Variants in CSMD1 observed in about 807,000 individuals in gnomAD.
The protein encoded by CSMD1 is CUB and sushi domain-containing protein 1.
CSMD1 carries 213 observed loss-of-function variants against 417.5 expected under a neutral mutation model. The observed-to-expected ratio is 0.51, with a 90% confidence interval of 0.46 to 0.57. The LOEUF (loss-of-function observed/expected upper bound fraction) is 0.57, where lower values mean the gene tolerates loss of function less well. Ranked by LOEUF, CSMD1 falls within the 20% of genes least tolerant of loss-of-function variation. CSMD1 has a pLI of 0.00. For synonymous variants in CSMD1, 2,862 were observed against 1,736.8 expected, an observed-to-expected ratio of 1.65 and a Z score of -16.11; for missense variants, 6,923 against 4,529.7, an observed-to-expected ratio of 1.53 and a Z score of -15.17.
chr8:3,221,990 T>C (rs1353275931), intron 28 of CSMD1, among the ~76,000 whole-genome samples: 1 of 152,120 alleles, frequency 6.6e-6, no homozygotes, highest in Non-Finnish European at 1.5e-5. Flanking sequence ...CTTGGGAAGC[T>C]GGACATCCTC....
At chr8:4,833,207 A>C (rs1800256014) in intron 1 of CSMD1, among the ~76,000 whole-genome samples, 1 of 152,342 alleles carries the variant, frequency 6.6e-6, no homozygotes, top group East Asian at 1.9e-4. Flanking sequence ...GTAATTTATA[A>C]AGAAAAGTGG....
intron 5 of CSMD1, among the ~76,000 whole-genome samples, chr8:3,796,115 T>A (rs1800090866): frequency 9.5e-5 from 1 of 10,520 alleles, no homozygotes; most frequent in African/African-American, 2.7e-4. Context: ...TATATATCTA[T>A]CATAGATATA....
chr8:3,646,389 G>T (rs1797572831), intron 7 of CSMD1, among the ~76,000 whole-genome samples: 1 of 151,982 alleles, frequency 6.6e-6, no homozygotes, highest in Admixed American at 6.6e-5. Flanking sequence ...GCATTGCTTT[G>T]TAATAAGAAA....
chr8:4,180,486 G>C (rs973938516), intron 3 of CSMD1, among the ~76,000 whole-genome samples: 2 of 151,048 alleles, frequency 1.3e-5, no homozygotes, highest in Non-Finnish European at 2.9e-5. Flanking sequence ...TAAATGACGA[G>C]TTAGTGGGTG....
chr8:3,487,446 C>A lies in CSMD1; in HGVS notation c.1448+6177G>T, dbSNP rs929093358. On this transcript the variant is annotated intron_variant, in intron 11 of 69. Transcript: ENST00000635120. ...TCGTTCTCCTGACCTCGTGATCTGC[C>A]CGCCTCGGCCTCCCCAAGTGTTGGG... is the stretch of plus-strand genomic sequence containing the variant. Among the ~76,000 whole-genome samples, 5 of 152,242 alleles carry A rather than the reference C, an allele frequency of 3.3e-5. 1 individual carries two copies. The highest frequency in any genetic ancestry group is 6.8e-3 in the Middle Eastern group (2 of 294).
chr8:2,967,600 T>C (rs757054595), intron 57 of CSMD1, among the ~76,000 whole-genome samples: 4 of 152,176 alleles, frequency 2.6e-5, no homozygotes, highest in African/African-American at 7.2e-5. Context: ...CTTAGTACTG[T>C]TGCAATAATA....
chr8:3,716,649 T>A (rs550530682), intron 6 of CSMD1, among the ~76,000 whole-genome samples: 1 of 152,118 alleles, frequency 6.6e-6, no homozygotes, highest in Non-Finnish European at 1.5e-5. Context: ...GCTAACCTCC[T>A]CTCTCATCCT....
At chr8:4,849,697 G>T (rs138667265) in intron 1 of CSMD1, among the ~76,000 whole-genome samples, 6 of 152,172 alleles carry the variant, frequency 3.9e-5, no homozygotes, top group Non-Finnish European at 7.3e-5. Flanking sequence ...ATGCTGTACA[G>T]ATTTGAAGCT....
At chr8:3,756,387 T>C (rs1187891637) in intron 5 of CSMD1, among the ~76,000 whole-genome samples, 1 of 151,918 alleles carries the variant, frequency 6.6e-6, no homozygotes, top group Non-Finnish European at 1.5e-5. Context: ...TCTTTGTATA[T>C]TAAAAATCAA....
At chr8:4,587,298 T>C (rs1414944212) in intron 2 of CSMD1, among the ~76,000 whole-genome samples, 1 of 152,172 alleles carries the variant, frequency 6.6e-6, no homozygotes, top group Admixed American at 6.5e-5. Flanking sequence ...TAATGTTCTT[T>C]TACTCACTTT....
intron 3 of CSMD1, among the ~76,000 whole-genome samples, chr8:4,173,257 A>G (rs940126429): frequency 3.3e-5 from 5 of 152,294 alleles, no homozygotes; most frequent in Admixed American, 2.0e-4. Flanking sequence ...AACATTTGGA[A>G]TGTAATAAAA....
intron 1 of CSMD1, among the ~76,000 whole-genome samples, chr8:4,669,993 C>A (rs559879717): frequency 5.3e-5 from 8 of 152,118 alleles, no homozygotes; most frequent in African/African-American, 1.9e-4. Context: ...TCTATTAACA[C>A]TAGTGAAGTG....
chr8:3,199,271 G>T (rs1326518399), intron 33 of CSMD1, among the ~76,000 whole-genome samples: 1 of 151,954 alleles, frequency 6.6e-6, no homozygotes, highest in African/African-American at 2.4e-5. Context: ...TTTGTTTTTT[G>T]TTTTGTTTTG....
At chr8:3,293,400 G>A (rs1803723770) in intron 25 of CSMD1, among the ~76,000 whole-genome samples, 1 of 152,122 alleles carries the variant, frequency 6.6e-6, no homozygotes. Context: ...AATTTCTCCT[G>A]GTTAATATCC....
At chr8:3,666,954 G>C (rs998212971) in intron 7 of CSMD1, among the ~76,000 whole-genome samples, 7 of 152,168 alleles carry the variant, frequency 4.6e-5, no homozygotes, top group African/African-American at 9.7e-5. Context: ...AGAAATAAAA[G>C]CATTGCAGTC....
At chr8:4,812,257 G>A (rs1003808525) in intron 1 of CSMD1, among the ~76,000 whole-genome samples, 1 of 152,314 alleles carries the variant, frequency 6.6e-6, no homozygotes, top group South Asian at 2.1e-4. Flanking sequence ...TTTCACAGAT[G>A]AATAGTTCTA....
At chr8:4,588,779 G>GACACACACACACACACACACACACACAC (rs10576784) in intron 2 of CSMD1, among the ~76,000 whole-genome samples, 1 of 146,372 alleles carries the variant, frequency 6.8e-6, no homozygotes, top group Admixed American at 6.9e-5. Context: ...GCAAGACTCC[G>GACACACACACACACACACACACACACAC]ACACACACAC....
chr8:3,054,705 G>A (rs1009826592), intron 49 of CSMD1, among the ~76,000 whole-genome samples: 2 of 152,278 alleles, frequency 1.3e-5, no homozygotes, highest in African/African-American at 2.4e-5. Flanking sequence ...ACGTGTGTAC[G>A]TGTGTGTACA....
At chr8:4,701,336 T>G (rs777877900) in intron 1 of CSMD1, among the ~76,000 whole-genome samples, 1 of 151,022 alleles carries the variant, frequency 6.6e-6, no homozygotes, top group Non-Finnish European at 1.5e-5. Context: ...TTTTTAACTC[T>G]GCTTAAGAAC....
Sources: allele counts gnomAD v4.1 joint callset (sites outside exome capture counted in the v4.1 genomes callset), GRCh38; gene constraint gnomAD v4.1.1; transcripts MANE v1.5; gene names NCBI Gene and HGNC (gene_info 2026-07-23, HGNC 2026-07-21).